The following SOX5 variants were observed in gnomAD, a reference collection of about 807,000 sequenced individuals.
SOX5 encodes the protein transcription factor SOX-5.
A neutral mutation model predicts 92.0 loss-of-function variants in SOX5; 9 were observed. The observed-to-expected ratio is 0.10, with a 90% CI of 0.06 to 0.17. SOX5 has a LOEUF of 0.17. Ranked by LOEUF, SOX5 falls within the 10% of genes least tolerant of loss-of-function variation. The pLI is 1.00. For missense variants in SOX5, 642 were observed against 944.5 expected (o/e 0.68, Z 4.20); for synonymous variants, 344 against 336.3 (o/e 1.02, Z -0.25).
chr12:24,379,937 T>C (rs1957663047), intron 1 of SOX5, among the ~76,000 whole-genome samples: 1 of 149,602 alleles, frequency 6.7e-6, no homozygotes, highest in Admixed American at 6.7e-5. Context: ...CACCACACTA[T>C]TTATGGGAGG....
chr12:24,546,278 T>C (rs1952616096), intron 1 of SOX5, among the ~76,000 whole-genome samples: 1 of 152,202 alleles, frequency 6.6e-6, no homozygotes, highest in Non-Finnish European at 1.5e-5. Context: ...AAGACAGCAT[T>C]TTAACTGCTG....
intron 2 of SOX5, among the ~76,000 whole-genome samples, chr12:24,292,660 T>C (rs1189189672): frequency 3.3e-5 from 5 of 152,226 alleles, no homozygotes; most frequent in African/African-American, 1.2e-4. Context: ...CTGACACAGT[T>C]GATAGAATTT....
At chr12:24,185,270 A>C (rs9651819) in intron 4 of SOX5, among the ~76,000 whole-genome samples, 1 of 152,034 alleles carries the variant, frequency 6.6e-6, no homozygotes, top group Non-Finnish European at 1.5e-5. Flanking sequence ...ATCACTTCCC[A>C]TTGCTCCTAG....
intron 1 of SOX5, among the ~76,000 whole-genome samples, chr12:24,546,154 A>C (rs777248232): frequency 6.6e-6 from 1 of 152,194 alleles, no homozygotes; most frequent in South Asian, 2.1e-4. Flanking sequence ...ACATGTACAT[A>C]AACTATGAAT....
Position 24,156,462 on chromosome 12 carries a change from G to A in SOX5, c.-2+56881C>T, listed in dbSNP as rs183813652. On this transcript the variant is annotated intron_variant, in intron 4 of 4. Coordinates refer to the SOX5 transcript ENST00000446891. ...CAATACACCTTGGAAAGCAAGACTT[G>A]TTACCATTTTACTTTTCTCCTCCTT... 3.0e-4 allele frequency among the ~76,000 whole-genome samples: 46 copies of A among 152,172 alleles called. 1 individual carries two copies. Among genetic ancestry groups the A allele is most frequent in the Admixed American group, 2.9e-3 (44 of 15,264 alleles).
chr12:23,919,707 A>G (rs1263361634), intron 1 of SOX5, among the ~76,000 whole-genome samples: 1 of 152,190 alleles, frequency 6.6e-6, no homozygotes, highest in Non-Finnish European at 1.5e-5. Context: ...CTGAAGTCCC[A>G]CAACTTCAGT....
chr12:24,241,663 T>G (rs1965587082), intron 3 of SOX5, among the ~76,000 whole-genome samples: 1 of 152,188 alleles, frequency 6.6e-6, no homozygotes, highest in African/African-American at 2.4e-5. Flanking sequence ...TGTACTTCAC[T>G]TTCCCCCTCA....
chr12:24,493,592 C>T (rs1018008448), intron 1 of SOX5, among the ~76,000 whole-genome samples: 4 of 152,076 alleles, frequency 2.6e-5, no homozygotes, highest in African/African-American at 7.2e-5. Flanking sequence ...TGGCCGGGTG[C>T]GGTGGCTCAC....
At chr12:24,252,298 A>G (rs1940234115) in intron 3 of SOX5, among the ~76,000 whole-genome samples, 2 of 152,186 alleles carry the variant, frequency 1.3e-5, no homozygotes, top group Admixed American at 1.3e-4. Context: ...CATAGCAAAG[A>G]CCTACGAAAT....
At chr12:23,661,976 T>C (rs1224768249) in intron 7 of SOX5, among the ~76,000 whole-genome samples, 1 of 152,148 alleles carries the variant, frequency 6.6e-6, no homozygotes, top group Non-Finnish European at 1.5e-5. Flanking sequence ...AACAGCTAAG[T>C]TGACAGTTTT....
In SOX5 at chr12:24,319,256, G is replaced by A. The variant is rs149523641; in HGVS notation, c.-173-41944C>T. On this transcript the variant is annotated intron_variant, in intron 2 of 4. Coordinates refer to the SOX5 transcript ENST00000446891. ...ACCAGCACTAAGCATGCTCATTCAC[G>A]CATCCCCCTCAAGCTGACATATTCT... Among the ~76,000 whole-genome samples the A allele has an allele frequency of 3.9e-5, 6 of 152,108 alleles. No individual in the cohort carries two copies. In the East Asian group the frequency reaches 7.7e-4, roughly 20 times the overall value.
intron 4 of SOX5, among the ~76,000 whole-genome samples, chr12:24,198,093 T>C (rs913110161): frequency 6.6e-6 from 1 of 152,200 alleles, no homozygotes; most frequent in African/African-American, 2.4e-5. Context: ...TTATTATTAT[T>C]AATCTTATTG....
chr12:23,698,461 C>A (rs750593729), intron 6 of SOX5, among the ~76,000 whole-genome samples: 1 of 152,072 alleles, frequency 6.6e-6, no homozygotes, highest in Non-Finnish European at 1.5e-5. Flanking sequence ...AATTTCTGAT[C>A]CCATCCAGTA....
chr12:24,287,871 G>A (rs563191552), intron 2 of SOX5, among the ~76,000 whole-genome samples: 1 of 152,040 alleles, frequency 6.6e-6, no homozygotes, highest in African/African-American at 2.4e-5. Flanking sequence ...CAATGCAGCA[G>A]GAAACAGGCA....
intron 11 of SOX5, among the ~76,000 whole-genome samples, chr12:23,557,192 T>C (rs183630763): frequency 6.6e-5 from 10 of 152,312 alleles, no homozygotes; most frequent in Non-Finnish European, 7.4e-5. Context: ...TCAGCCTATA[T>C]AGTCTGTGGT....
At chr12:24,434,714 C>A (rs1939063893) in intron 1 of SOX5, among the ~76,000 whole-genome samples, 1 of 152,104 alleles carries the variant, frequency 6.6e-6, no homozygotes, top group African/African-American at 2.4e-5. Flanking sequence ...TCACTCTCTC[C>A]CTTCCTTCTG....
intron 1 of SOX5, among the ~76,000 whole-genome samples, chr12:23,945,351 C>T (rs185669709): frequency 6.6e-6 from 1 of 152,242 alleles, no homozygotes; most frequent in East Asian, 1.9e-4. Context: ...TAAGGACACA[C>T]CAATATGTGA....
intron 3 of SOX5, among the ~76,000 whole-genome samples, chr12:24,237,220 C>T (rs1964688144): frequency 6.6e-6 from 1 of 152,158 alleles, no homozygotes; most frequent in Non-Finnish European, 1.5e-5. Flanking sequence ...TGATTGGTAT[C>T]TTAAGAAGGA....
chr12:24,410,641 TTC>T (rs1194218720), intron 1 of SOX5, among the ~76,000 whole-genome samples: 1 of 152,222 alleles, frequency 6.6e-6, no homozygotes, highest in African/African-American at 2.4e-5. Context: ...AATTTCTGGC[TTC>T]TCTGTTTTTT....
Sources: gnomAD v4.1 joint callset for allele counts (sites outside exome capture counted in the v4.1 genomes callset) on GRCh38, gnomAD v4.1.1 for gene constraint, MANE v1.5 for transcripts, NCBI Gene and HGNC (gene_info 2026-07-23, HGNC 2026-07-21) for gene names.